RABGAP1L: variants seen among roughly 807,000 people sequenced by gnomAD.
RABGAP1L encodes rab GTPase-activating protein 1-like.
RABGAP1L carries 63 observed loss-of-function variants against 137.7 expected under a neutral mutation model. The observed-to-expected ratio is 0.46, with a 90% CI of 0.37 to 0.56. RABGAP1L has a LOEUF of 0.56. RABGAP1L is among the 20% of genes least tolerant of loss of function. RABGAP1L has a pLI of 0.00. For synonymous variants in RABGAP1L, 431 were observed against 433.7 expected (o/e 0.99, Z 0.08); for missense variants, 1,095 against 1,244.0 (o/e 0.88, Z 1.80).
intron 5 of RABGAP1L, chr1:174,245,061 TC>T (rs1346214108): frequency 6.6e-6 from 1 of 152,244 alleles, no homozygotes; most frequent in Non-Finnish European, 1.5e-5. Flanking sequence ...GAAAACGTGT[TC>T]CTTGCATGGG....
intron 18 of RABGAP1L, among the ~76,000 whole-genome samples, chr1:174,790,120 G>A (rs1687738316): frequency 6.6e-6 from 1 of 152,000 alleles, no homozygotes; most frequent in African/African-American, 2.4e-5. Flanking sequence ...TGAGACACGA[G>A]GATAACTGAA....
intron 18 of RABGAP1L, among the ~76,000 whole-genome samples, chr1:174,757,354 T>G (rs1684848482): frequency 6.6e-6 from 1 of 152,112 alleles, no homozygotes; most frequent in South Asian, 2.1e-4. Context: ...TGGGGTAAAT[T>G]TCTAGAGATG....
intron 7 of RABGAP1L, among the ~76,000 whole-genome samples, chr1:174,267,391 T>C (rs1291410470): frequency 6.6e-6 from 1 of 152,172 alleles, no homozygotes; most frequent in Non-Finnish European, 1.5e-5. Context: ...TGTGGGAGTG[T>C]TGACACTGTT....
At chr1:174,672,715 A>G (rs1473738992) in intron 14 of RABGAP1L, among the ~76,000 whole-genome samples, 1 of 151,646 alleles carries the variant, frequency 6.6e-6, no homozygotes, top group Admixed American at 6.6e-5. Context: ...TCATTGACTT[A>G]TTGATTGTTC....
intron 18 of RABGAP1L, chr1:174,800,198 A>G (rs1688625676): frequency 7.1e-7 from 1 of 1,399,118 alleles, no homozygotes. Flanking sequence ...TGGAGACATT[A>G]GCTGACAATT....
intron 13 of RABGAP1L, among the ~76,000 whole-genome samples, chr1:174,427,148 G>A (rs1407103341): frequency 5.9e-5 from 4 of 67,946 alleles, no homozygotes; most frequent in Non-Finnish European, 1.4e-4. Flanking sequence ...ATGTTTATGT[G>A]TGTGTGTGTG....
intron 17 of RABGAP1L, among the ~76,000 whole-genome samples, chr1:174,731,269 G>A (rs1682446427): frequency 6.6e-6 from 1 of 152,188 alleles, no homozygotes; most frequent in South Asian, 2.1e-4. Context: ...ACCGCACCCA[G>A]CCAGTATCTT....
chr1:174,289,712 G>T (rs371472878), intron 10 of RABGAP1L, among the ~76,000 whole-genome samples: 6 of 152,178 alleles, frequency 3.9e-5, no homozygotes, highest in African/African-American at 1.4e-4. Context: ...GTGAGGCTGG[G>T]GTCTCTGATC....
At chr1:174,586,111 C>CATGG (rs995659519) in intron 13 of RABGAP1L, among the ~76,000 whole-genome samples, 1 of 152,206 alleles carries the variant, frequency 6.6e-6, no homozygotes, top group African/African-American at 2.4e-5. Context: ...ATAACAAAGA[C>CATGG]ATGGAATCAA....
chr1:174,330,653 T>C (rs928154684), intron 11 of RABGAP1L, among the ~76,000 whole-genome samples: 1 of 152,132 alleles, frequency 6.6e-6, no homozygotes, highest in Non-Finnish European at 1.5e-5. Context: ...GATCTCTTCA[T>C]TGAAAATTAT....
At chr1:174,648,220 T>C (rs1399804184) in intron 14 of RABGAP1L, among the ~76,000 whole-genome samples, 1 of 152,148 alleles carries the variant, frequency 6.6e-6, no homozygotes, top group Admixed American at 6.5e-5. Context: ...TCTGCTCTGA[T>C]ATTAGTTATT....
At chr1:174,703,359 T>A (rs1679802494) in intron 17 of RABGAP1L, among the ~76,000 whole-genome samples, 1 of 152,224 alleles carries the variant, frequency 6.6e-6, no homozygotes, top group South Asian at 2.1e-4. Flanking sequence ...CTTTCTGAGT[T>A]GTTTTACTTA....
chr1:174,772,567 C>CAA lies in RABGAP1L; in HGVS notation c.2211+20237_2211+20238dup, dbSNP rs60690186. Among the ~76,000 whole-genome samples, 61 of 53,058 alleles carry CAA rather than the reference C, an allele frequency of 1.1e-3. 2 individuals are homozygous for CAA. Among genetic ancestry groups the CAA allele is most frequent in the African/African-American group, 3.5e-3 (42 of 12,154 alleles). The allele number at this position is 53,058 out of a possible 152,430, so 34.8% of individuals were successfully genotyped here. ...TGGGCAACAGAGCAAGACTCCATCT[C>CAA]AAAAAAAAAAAAAAAAAAAAAAAAA... On this transcript the variant is annotated intron_variant, in intron 18 of 25. Coordinates refer to ENST00000681986, the MANE Select transcript of RABGAP1L (RefSeq NM_001366446.1).
intron 21 of RABGAP1L, among the ~76,000 whole-genome samples, chr1:174,972,787 G>C (rs1670254892): frequency 6.8e-6 from 1 of 147,628 alleles, no homozygotes; most frequent in South Asian, 2.1e-4. Flanking sequence ...CTGGGAGGTG[G>C]AGGTTGCAGT....
At chr1:174,858,228 A>G (rs1231826) in intron 19 of RABGAP1L, among the ~76,000 whole-genome samples, 53,737 of 151,856 alleles carry the variant, frequency 0.35, 12,002 homozygotes, top group African/African-American at 0.64. Flanking sequence ...CGTTACTTAT[A>G]CTGGTCTTGA....
chr1:174,447,231 G>A (rs1338393668), intron 13 of RABGAP1L, among the ~76,000 whole-genome samples: 1 of 152,112 alleles, frequency 6.6e-6, no homozygotes, highest in Admixed American at 6.5e-5. Context: ...AAAAATGCAT[G>A]CAGAATTAAA....
Position 174,693,300 on chromosome 1 carries a change from C to G in RABGAP1L, c.1900-6225C>G, listed in dbSNP as rs77019285. On this transcript the variant is annotated intron_variant, in intron 15 of 25. Coordinates refer to ENST00000681986, the MANE Select transcript of RABGAP1L (RefSeq NM_001366446.1). ...TGGTCATATCAGTGCTGTGCTACAG[C>G]CAGGTCATACCAGCTTTTGACGGCC... Among the ~76,000 whole-genome samples the G allele has an allele frequency of 1.3e-3, 194 of 152,284 alleles. 1 individual carries two copies. Among genetic ancestry groups the G allele is most frequent in the African/African-American group, 4.4e-3 (183 of 41,572 alleles).
chr1:174,402,802 T>G (rs1420222552), intron 13 of RABGAP1L, among the ~76,000 whole-genome samples: 2 of 152,196 alleles, frequency 1.3e-5, no homozygotes, highest in African/African-American at 4.8e-5. Context: ...TGAGTACTTC[T>G]TAATTGTTGG....
intron 19 of RABGAP1L, among the ~76,000 whole-genome samples, chr1:174,912,844 C>T (rs183334384): frequency 1.2e-4 from 18 of 152,296 alleles, no homozygotes; most frequent in African/African-American, 3.8e-4. Flanking sequence ...TAAGCAGCAC[C>T]AGTAACCAGA....
Sources: allele counts gnomAD v4.1 joint callset (sites outside exome capture counted in the v4.1 genomes callset), GRCh38; gene constraint gnomAD v4.1.1; transcripts MANE v1.5; gene names NCBI Gene and HGNC (gene_info 2026-07-23, HGNC 2026-07-21).